The following FHIT variants were observed in gnomAD, a reference collection of about 807,000 sequenced individuals.
FHIT encodes bis(5'-adenosyl)-triphosphatase.
A neutral mutation model predicts 17.9 loss-of-function variants in FHIT; 19 were observed. That is an observed-to-expected ratio of 1.06 (90% CI 0.74 to 1.56). The LOEUF (loss-of-function observed/expected upper bound fraction) is 1.56, where lower values mean the gene tolerates loss of function less well. FHIT is among the 40% of genes most tolerant of loss of function. FHIT has a pLI of 0.00. For missense variants in FHIT, 248 were observed against 189.2 expected (o/e 1.31, Z -1.82); for synonymous variants, 81 against 69.7 (o/e 1.16, Z -0.81).
chr3:60,234,105 C>G (rs946113981), intron 5 of FHIT, among the ~76,000 whole-genome samples: 8 of 152,184 alleles, frequency 5.3e-5, no homozygotes, highest in African/African-American at 1.7e-4. Flanking sequence ...TTGCATGCTT[C>G]CAGTGCCTAT....
At chr3:59,963,270 A>T (rs967150678) in intron 7 of FHIT, among the ~76,000 whole-genome samples, 16 of 150,326 alleles carry the variant, frequency 1.1e-4, no homozygotes, top group Non-Finnish European at 2.1e-4. Context: ...CCATCTCAAA[A>T]AATAATAATA....
intron 5 of FHIT, among the ~76,000 whole-genome samples, chr3:60,381,345 G>T (rs551784063): frequency 6.6e-6 from 1 of 152,182 alleles, no homozygotes; most frequent in East Asian, 1.9e-4. Context: ...GGGCATGGTG[G>T]TGGGCACCTG....
intron 3 of FHIT, among the ~76,000 whole-genome samples, chr3:60,916,538 G>T (rs1328857217): frequency 6.6e-6 from 1 of 152,046 alleles, no homozygotes. Flanking sequence ...CAAGATTCAA[G>T]GCCATTTCAT....
chr3:59,967,528 C>T (rs145241307), intron 7 of FHIT, among the ~76,000 whole-genome samples: 1 of 152,286 alleles, frequency 6.6e-6, no homozygotes, highest in East Asian at 1.9e-4. Flanking sequence ...CACCTTCATA[C>T]ATGCGGTCTG....
chr3:59,756,901 A>G (rs1210486648), intron 8 of FHIT, among the ~76,000 whole-genome samples: 1 of 152,174 alleles, frequency 6.6e-6, no homozygotes, highest in Non-Finnish European at 1.5e-5. Flanking sequence ...ATATTTTAAC[A>G]TCTTTGAAAT....
intron 5 of FHIT, among the ~76,000 whole-genome samples, chr3:60,179,023 G>C (rs1043007366): frequency 6.6e-6 from 1 of 152,156 alleles, no homozygotes; most frequent in East Asian, 1.9e-4. Context: ...TACACTATAA[G>C]ACTCTTAACA....
At chr3:60,489,816 C>G (rs2107497622) in intron 5 of FHIT, among the ~76,000 whole-genome samples, 1 of 152,256 alleles carries the variant, frequency 6.6e-6, no homozygotes, top group Non-Finnish European at 1.5e-5. Flanking sequence ...AGCCAAAAGA[C>G]TGCCATACTC....
At chr3:60,160,732 A>T (rs1381658238) in intron 5 of FHIT, among the ~76,000 whole-genome samples, 1 of 152,192 alleles carries the variant, frequency 6.6e-6, no homozygotes, top group Non-Finnish European at 1.5e-5. Flanking sequence ...AAATGACAAC[A>T]TATGACACCC....
At chr3:60,178,431 C>A (rs1272207791) in intron 5 of FHIT, among the ~76,000 whole-genome samples, 4 of 151,912 alleles carry the variant, frequency 2.6e-5, no homozygotes, top group Non-Finnish European at 5.9e-5. Flanking sequence ...AATAAAAATA[C>A]AAAAATTACC....
intron 7 of FHIT, among the ~76,000 whole-genome samples, chr3:59,966,965 A>T (rs1707955108): frequency 6.6e-6 from 1 of 152,232 alleles, no homozygotes; most frequent in Non-Finnish European, 1.5e-5. Context: ...AAACACAAAT[A>T]CACTGTACAG....
intron 7 of FHIT, among the ~76,000 whole-genome samples, chr3:59,952,208 G>T (rs1707150200): frequency 6.6e-6 from 1 of 152,120 alleles, no homozygotes; most frequent in Admixed American, 6.6e-5. Flanking sequence ...TCGTATAAAT[G>T]ATTTCACATC....
chr3:60,058,596 C>A (rs898045199), intron 5 of FHIT, among the ~76,000 whole-genome samples: 6 of 152,104 alleles, frequency 3.9e-5, no homozygotes, highest in African/African-American at 1.4e-4. Context: ...ATGTTCCCTG[C>A]TTTTCCCTTT....
intron 5 of FHIT, among the ~76,000 whole-genome samples, chr3:60,166,254 G>A (rs1701170526): frequency 6.6e-6 from 1 of 151,992 alleles, no homozygotes; most frequent in Non-Finnish European, 1.5e-5. Context: ...GTTAGGAACA[G>A]GAAATGTATT....
At chr3:59,947,016 G>C (rs1169215396) in intron 7 of FHIT, among the ~76,000 whole-genome samples, 4 of 152,162 alleles carry the variant, frequency 2.6e-5, no homozygotes, top group African/African-American at 9.6e-5. Context: ...TCAGAAAAAT[G>C]CTGGCCTCAC....
At chr3:60,524,002 G>A (rs748037667) in intron 5 of FHIT, among the ~76,000 whole-genome samples, 52 of 152,116 alleles carry the variant, frequency 3.4e-4, no homozygotes, top group Non-Finnish European at 4.9e-4. Context: ...AATGAGGACC[G>A]TTGTCCTCTT....
At chr3:60,368,040 C>T (rs1264120226) in intron 5 of FHIT, among the ~76,000 whole-genome samples, 1 of 151,988 alleles carries the variant, frequency 6.6e-6, no homozygotes, top group Non-Finnish European at 1.5e-5. Flanking sequence ...TTTATCTATG[C>T]TTTTGATGGA....
At chr3:60,614,833 TTTTTTTTTG>T (rs1553675173) in intron 4 of FHIT, among the ~76,000 whole-genome samples, 5,762 of 88,602 alleles carry the variant, frequency 0.065, 1,065 homozygotes, top group Middle Eastern at 0.09. Flanking sequence ...TTTTTTTTGT[TTTTTTTTTG>T]TTTTTTGAGA....
intron 4 of FHIT, among the ~76,000 whole-genome samples, chr3:60,538,267 C>T (rs1169415629): frequency 1.3e-5 from 2 of 152,152 alleles, no homozygotes; most frequent in Admixed American, 6.5e-5. Context: ...GAACTACAAA[C>T]CACTGCTCAA....
intron 5 of FHIT, among the ~76,000 whole-genome samples, chr3:60,364,603 C>T (rs1475285019): frequency 1.3e-5 from 2 of 152,202 alleles, no homozygotes; most frequent in African/African-American, 4.8e-5. Flanking sequence ...TTGAGCAACA[C>T]AGAAGGCTAT....
Sources: allele counts gnomAD v4.1 joint callset (sites outside exome capture counted in the v4.1 genomes callset), GRCh38; gene constraint gnomAD v4.1.1; transcripts MANE v1.5; gene names NCBI Gene and HGNC (gene_info 2026-07-23, HGNC 2026-07-21).